MIGA1: variants seen among roughly 807,000 people sequenced by gnomAD.
MIGA1 encodes the protein family with sequence similarity 73, member A.
MIGA1 carries 58 observed loss-of-function variants against 82.0 expected under a neutral mutation model. The observed-to-expected ratio is 0.71, with a 90% CI of 0.57 to 0.88. The LOEUF (loss-of-function observed/expected upper bound fraction) is 0.88. MIGA1 is among the 40% of genes least tolerant of loss of function. The pLI, the probability that MIGA1 is intolerant of heterozygous loss-of-function variation, is 0.00. For missense variants in MIGA1, 751 were observed against 749.1 expected, an observed-to-expected ratio of 1.00 and a Z score of -0.03; for synonymous variants, 249 against 253.6, an observed-to-expected ratio of 0.98 and a Z score of 0.17.
At chr1:77,811,560 A>T in intron 5 of MIGA1, 2 of 1,610,548 alleles carry the variant, frequency 1.2e-6, no homozygotes, top group Admixed American at 3.3e-5. Flanking sequence ...GTAAAGCTGC[A>T]CTTCGCAATT....
intron 8 of MIGA1, among the ~76,000 whole-genome samples, chr1:77,850,081 T>A (rs1310637662): frequency 1.3e-5 from 2 of 151,036 alleles, no homozygotes; most frequent in Non-Finnish European, 3.0e-5. Flanking sequence ...GGCTGAAAGA[T>A]CTGTTCCCAA....
intron 8 of MIGA1, among the ~76,000 whole-genome samples, chr1:77,844,137 TAG>T (rs61292673): frequency 0.19 from 17,871 of 91,684 alleles, 1,679 homozygotes; most frequent in East Asian, 0.35. Flanking sequence ...TATATATATA[TAG>T]ATAGATAGAT....
At chr1:77,792,852 G>A (rs1021277388) in intron 2 of MIGA1, among the ~76,000 whole-genome samples, 4 of 149,234 alleles carry the variant, frequency 2.7e-5, no homozygotes, top group East Asian at 4.0e-4. Context: ...GCAGTGGCGC[G>A]ATCTCAGCTC....
At chr1:77,820,656 T>G (rs917846083) in intron 7 of MIGA1, among the ~76,000 whole-genome samples, 1 of 152,182 alleles carries the variant, frequency 6.6e-6, no homozygotes, top group Non-Finnish European at 1.5e-5. Flanking sequence ...GATCCTGTAT[T>G]TGCCAATTTC....
intron 2 of MIGA1, among the ~76,000 whole-genome samples, chr1:77,790,280 C>T (rs1356366942): frequency 6.6e-6 from 1 of 152,126 alleles, no homozygotes; most frequent in Non-Finnish European, 1.5e-5. Context: ...TAATCACACT[C>T]ACACCTTTCT....
intron 2 of MIGA1, among the ~76,000 whole-genome samples, chr1:77,797,476 T>G (rs528559025): frequency 6.6e-6 from 1 of 152,318 alleles, no homozygotes; most frequent in East Asian, 1.9e-4. Flanking sequence ...CCTCTAGTTC[T>G]TTTGCCTTTT....
At chr1:77,795,631 T>A (rs949781525) in intron 2 of MIGA1, among the ~76,000 whole-genome samples, 1 of 150,884 alleles carries the variant, frequency 6.6e-6, no homozygotes, top group Non-Finnish European at 1.5e-5. Flanking sequence ...TATATTACTT[T>A]CTTTTTTTTT....
intron 2 of MIGA1, among the ~76,000 whole-genome samples, chr1:77,790,236 T>A (rs1682356658): frequency 6.6e-6 from 1 of 152,214 alleles, no homozygotes; most frequent in Non-Finnish European, 1.5e-5. Context: ...AACTCTTCTA[T>A]CACCTTAAAG....
chr1:77,859,983 T>C, intron 10 of MIGA1, 57 bp from the exon 11 acceptor site: 1 of 1,089,326 alleles, frequency 9.2e-7, no homozygotes, highest in Non-Finnish European at 1.4e-6. Context: ...TTAAGTTGAA[T>C]GTCCATTCAC....
At chr1:77,791,153 G>A (rs1411143503) in intron 2 of MIGA1, among the ~76,000 whole-genome samples, 1 of 150,748 alleles carries the variant, frequency 6.6e-6, no homozygotes, top group Non-Finnish European at 1.5e-5. Flanking sequence ...TGAGAAGAGA[G>A]GATCACTTGA....
chr1:77,783,004 CT>C (rs879730152), intron 1 of MIGA1: 26,161 of 278,504 alleles, frequency 0.094, no homozygotes, highest in Non-Finnish European at 0.12. Context: ...TTAAATCTAG[CT>C]TTTTTTTTTT....
Position 77,813,842 on chromosome 1 carries a change from A to T in MIGA1, c.746A>T (p.Asp249Val). Residue 249 changes from aspartate to valine, a missense_variant, in exon 6 of 16, where the codon GAT becomes GTT. By Grantham distance (152) the Asp-to-Val change is radical. This residue lies in a region of MIGA1 where 482 missense variants were observed against 439.4 expected (regional missense o/e 1.10). Coordinates refer to ENST00000370791, the MANE Select transcript of MIGA1 (RefSeq NM_198549.4). ...GGTTCCATTAAACTGGGTGCAGGAG[A>T]TGCCATTGCTGAAGAAAATGTAGAT... 1 of 1,614,158 alleles carries T rather than the reference A, an allele frequency of 6.2e-7. No homozygotes were observed. Among genetic ancestry groups the T allele is most frequent in the Non-Finnish European group, 8.5e-7 (1 of 1,180,016 alleles).
At chr1:77,801,553 A>G in intron 3 of MIGA1, 45 bp downstream of exon 3, 1 of 1,497,692 alleles carries the variant, frequency 6.7e-7, no homozygotes, top group Non-Finnish European at 8.9e-7. Context: ...TGTGTAAATC[A>G]TAACTGGAAT....
chr1:77,779,695 G>C lies in MIGA1; in HGVS notation c.40G>C (p.Ala14Pro). The change falls in exon 1 of 16, where the codon GCT becomes CCT. Residue 14 changes from alanine to proline, a missense_variant. This residue lies in a region of MIGA1 where 482 missense variants were observed against 439.4 expected (regional missense o/e 1.10). Coordinates refer to ENST00000370791, the MANE Select transcript of MIGA1 (RefSeq NM_198549.4). ...CTCAGCGCCAGGCATCAGCTGGGAAGCTGGCGTGGGCAGGCCAGCTGTACC... is the reference window on the plus strand; with the variant it reads ...CTCAGCGCCAGGCATCAGCTGGGAACCTGGCGTGGGCAGGCCAGCTGTACC... The C allele has an allele frequency of 6.3e-7, 1 of 1,590,492 alleles. No homozygotes were observed. Among genetic ancestry groups the C allele is most frequent in the Non-Finnish European group, 8.6e-7 (1 of 1,168,680 alleles).
chr1:77,845,947 C>CTT (rs374614188), intron 8 of MIGA1, among the ~76,000 whole-genome samples: 31 of 128,622 alleles, frequency 2.4e-4, no homozygotes, highest in African/African-American at 5.1e-4. Flanking sequence ...GGATGAAAAG[C>CTT]TTTTTTTTTT....
chr1:77,826,971 ATT>A (rs1292131319), intron 7 of MIGA1, among the ~76,000 whole-genome samples: 3 of 147,828 alleles, frequency 2.0e-5, no homozygotes, highest in East Asian at 4.2e-4. Context: ...CGCCCAGCTA[ATT>A]TTTTTGTATA....
Position 77,875,120 on chromosome 1 carries a change from T to G in MIGA1, c.*56T>G, listed in dbSNP as rs550097685. 4 of 1,379,044 alleles carry G rather than the reference T, an allele frequency of 2.9e-6. No homozygotes were observed. The African/African-American group carries it at 4.3e-5, about 15-fold the overall frequency. The allele number at this position is 1,379,044 out of a possible 1,614,324, so 85.4% of individuals were successfully genotyped here. On this transcript the variant is annotated 3_prime_UTR_variant, in exon 16 of 16. Coordinates refer to ENST00000370791, the MANE Select transcript of MIGA1 (RefSeq NM_198549.4). ...CTATGAAATATTTTAAGGTAACTATTGATTTTGTAACATATATTACAAAGT... is the reference window on the plus strand; with the variant it reads ...CTATGAAATATTTTAAGGTAACTATGGATTTTGTAACATATATTACAAAGT...
intron 7 of MIGA1, among the ~76,000 whole-genome samples, chr1:77,823,853 C>A (rs1490960321): frequency 1.3e-5 from 2 of 152,182 alleles, no homozygotes; most frequent in Non-Finnish European, 2.9e-5. Context: ...ATTCTAAACT[C>A]TGTTTCTCTG....
rs1426277819 is a variant in MIGA1 at position 77,815,354 on chromosome 1, A to C, written c.895+123A>C. The C allele has an allele frequency of 4.3e-6, 3 of 705,122 alleles. No homozygotes were observed. In the African/African-American group the frequency reaches 5.6e-5, roughly 13 times the overall value. The allele number at this position is 705,122 out of a possible 1,614,324, so 43.7% of individuals were successfully genotyped here. Reference sequence around the variant, plus strand: ...TTACTTAAAAAAAAATAAACTAGCCAAGAGAAAAAATTTTTATCATATTTC... The same window carrying C: ...TTACTTAAAAAAAAATAAACTAGCCCAGAGAAAAAATTTTTATCATATTTC... On this transcript the variant is annotated intron_variant, in intron 7 of 15. Transcript: ENST00000370791.
Sources: allele counts gnomAD v4.1 joint callset (sites outside exome capture counted in the v4.1 genomes callset), GRCh38; gene constraint gnomAD v4.1.1; regional missense constraint gnomAD v4.1.1; transcripts MANE v1.5; gene names NCBI Gene and HGNC (gene_info 2026-07-23, HGNC 2026-07-21).